Variants in GADL1 observed in about 807,000 individuals in gnomAD.
GADL1 encodes the protein acidic amino acid decarboxylase GADL1.
Under a neutral mutation model 69.5 loss-of-function variants are expected in GADL1, and 71 were observed. That is an observed-to-expected ratio of 1.02 (90% CI 0.84 to 1.25). The LOEUF (loss-of-function observed/expected upper bound fraction) is 1.25, where lower values mean the gene tolerates loss of function less well. GADL1 is among the 50% of genes most tolerant of loss of function. GADL1 has a pLI of 0.00. For missense variants in GADL1, 737 were observed against 631.8 expected, an observed-to-expected ratio of 1.17 and a Z score of -1.79; for synonymous variants, 254 against 214.4, an observed-to-expected ratio of 1.18 and a Z score of -1.62.
intron 14 of GADL1, among the ~76,000 whole-genome samples, chr3:30,735,706 G>A (rs1480697758): frequency 6.6e-6 from 1 of 152,010 alleles, no homozygotes; most frequent in Admixed American, 6.6e-5. Flanking sequence ...CATGGCGGTG[G>A]GTATATAAAC....
chr3:30,732,859 A>G (rs1695480720), intron 14 of GADL1, among the ~76,000 whole-genome samples: 1 of 152,146 alleles, frequency 6.6e-6, no homozygotes, highest in Admixed American at 6.6e-5. Flanking sequence ...GGAGTTTGAG[A>G]CCAGCCTGAG....
chr3:30,837,212 G>A (rs1240164416), intron 9 of GADL1, among the ~76,000 whole-genome samples: 2 of 151,956 alleles, frequency 1.3e-5, no homozygotes, highest in Non-Finnish European at 2.9e-5. Flanking sequence ...ATTTCAAACA[G>A]GTCAAAGCAA....
chr3:30,739,454 G>C (rs1223600490), intron 14 of GADL1, among the ~76,000 whole-genome samples: 1 of 152,140 alleles, frequency 6.6e-6, no homozygotes, highest in African/African-American at 2.4e-5. Flanking sequence ...TGCTTCAGGA[G>C]TAAACTGAAG....
intron 1 of GADL1, among the ~76,000 whole-genome samples, chr3:30,885,704 A>G (rs892029769): frequency 6.6e-6 from 1 of 152,042 alleles, no homozygotes; most frequent in African/African-American, 2.4e-5. Flanking sequence ...TCAAACTACT[A>G]TAAATAAGAC....
chr3:30,748,078 T>C (rs781329865), intron 14 of GADL1, among the ~76,000 whole-genome samples: 6 of 152,224 alleles, frequency 3.9e-5, no homozygotes, highest in Non-Finnish European at 5.9e-5. Context: ...AGTCCACTTA[T>C]TCTTGAAGCC....
At chr3:30,774,093 G>C (rs1375018656) in intron 14 of GADL1, among the ~76,000 whole-genome samples, 1 of 152,160 alleles carries the variant, frequency 6.6e-6, no homozygotes, top group Admixed American at 6.5e-5. Context: ...CTGTGAGACA[G>C]TGGTTCTCAA....
intron 14 of GADL1, among the ~76,000 whole-genome samples, chr3:30,762,485 CT>C (rs976201456): frequency 6.6e-6 from 1 of 152,060 alleles, no homozygotes; most frequent in Admixed American, 6.6e-5. Context: ...AAACTTTTAA[CT>C]TTTGTGGGCA....
rs1698317475 is a variant in GADL1, at chr3:30,861,302, AG to A, written c.210+290del. On this transcript the variant is annotated intron_variant, in intron 2 of 14. Coordinates refer to ENST00000282538, the MANE Select transcript of GADL1 (RefSeq NM_207359.3). ...AGGTTACTTATCTATGTTATTATCT[AG>A]GGTGCAGGAAGTTTCATCCCTGTGC... 2.9e-5 allele frequency among the ~76,000 whole-genome samples: 4 copies of A among 138,072 alleles called. No individual in the cohort carries two copies. The South Asian group carries it at 9.2e-4, about 32-fold the overall frequency. The allele number at this position is 138,072 out of a possible 152,430, so 90.6% of individuals were successfully genotyped here. A position where few individuals can be genotyped will look rare whatever the true frequency, so the allele number is the denominator to read the frequency against.
At chr3:30,815,707 G>T (rs1261627127) in intron 11 of GADL1, among the ~76,000 whole-genome samples, 1 of 152,200 alleles carries the variant, frequency 6.6e-6, no homozygotes, top group East Asian at 1.9e-4. Flanking sequence ...ACTTCATTTT[G>T]TATAGGTTCC....
chr3:30,809,286 A>T lies in GADL1; in HGVS notation c.1051-8198T>A, dbSNP rs185416098. 3.3e-5 allele frequency among the ~76,000 whole-genome samples: 5 copies of T among 152,266 alleles called. No individual in the cohort carries two copies. In the East Asian group the frequency reaches 9.6e-4, roughly 29 times the overall value. The stretch of plus-strand genomic sequence containing the variant: ...CTGTAGATTTTTCATTCTTTGTCAG[A>T]GTAGAAAATATTTAAAATCATCCGG... On this transcript the variant is annotated intron_variant, in intron 11 of 14. Transcript: ENST00000282538.
At chr3:30,743,427 T>A (rs1224137420) in intron 14 of GADL1, among the ~76,000 whole-genome samples, 1 of 152,196 alleles carries the variant, frequency 6.6e-6, no homozygotes, top group Admixed American at 6.5e-5. Context: ...TAACAATTGA[T>A]GGAAGCAAAC....
intron 11 of GADL1, among the ~76,000 whole-genome samples, chr3:30,806,288 G>C (rs560963783): frequency 6.6e-6 from 1 of 152,032 alleles, no homozygotes; most frequent in Non-Finnish European, 1.5e-5. Context: ...ATTATGTATT[G>C]AGGACCTATT....
intron 1 of GADL1, 63 bp downstream of exon 1, chr3:30,894,515 A>T: frequency 3.0e-6 from 4 of 1,354,848 alleles, no homozygotes; most frequent in Non-Finnish European, 4.1e-6. Context: ...GTCAAAAATA[A>T]GGAGATTAAA....
rs373606322 is a variant in GADL1, at chr3:30,894,606, G to C, written c.9C>G (p.Ser3Arg). 2 of 1,550,780 alleles carry C rather than the reference G, an allele frequency of 1.3e-6. No individual in the cohort carries two copies. The highest frequency in any genetic ancestry group is 1.7e-6 in the Non-Finnish European group (2 of 1,146,662). The change falls in exon 1 of 15, where the codon AGC (serine) becomes AGG (arginine). Residue 3 changes from serine (S) to arginine (R), a missense_variant. Physicochemically the swap from Ser to Arg is moderately radical, Grantham distance 110. Coordinates refer to ENST00000282538, the MANE Select transcript of GADL1 (RefSeq NM_207359.3). ...CCACAGGACACTGGCGGTCCGAGTC[G>C]CTGCTCATCTCCGCTCCCCCACTCC... MSSDSDRQCPVDG... is the reference protein window; with the variant it reads MSRDSDRQCPVDG...
At chr3:30,832,925 T>C (rs1316963158) in intron 11 of GADL1, among the ~76,000 whole-genome samples, 4 of 152,074 alleles carry the variant, frequency 2.6e-5, no homozygotes, top group Admixed American at 2.0e-4. Flanking sequence ...GACAGTCTGA[T>C]CATGTCAAAA....
At chr3:30,776,348 T>A (rs1472236900) in intron 14 of GADL1, among the ~76,000 whole-genome samples, 1 of 152,220 alleles carries the variant, frequency 6.6e-6, no homozygotes, top group Admixed American at 6.5e-5. Flanking sequence ...CATCCCATCA[T>A]AGTGAAAAAA....
At chr3:30,765,192 T>C (rs1192253293) in intron 14 of GADL1, among the ~76,000 whole-genome samples, 1 of 152,130 alleles carries the variant, frequency 6.6e-6, no homozygotes, top group Non-Finnish European at 1.5e-5. Flanking sequence ...ATGTCTTCCT[T>C]AAGCTGTCCT....
chr3:30,879,187 C>G (rs1698612828), intron 1 of GADL1, among the ~76,000 whole-genome samples: 1 of 151,896 alleles, frequency 6.6e-6, no homozygotes, highest in African/African-American at 2.4e-5. Flanking sequence ...CTTCTTATCT[C>G]TCATGTTAGT....
intron 14 of GADL1, among the ~76,000 whole-genome samples, chr3:30,733,827 G>A (rs1695503117): frequency 6.6e-6 from 1 of 152,170 alleles, no homozygotes; most frequent in Admixed American, 6.6e-5. Flanking sequence ...TAAGTGGAAG[G>A]ATTTCAGTCC....
Sources: allele counts gnomAD v4.1 joint callset (sites outside exome capture counted in the v4.1 genomes callset), GRCh38; gene constraint gnomAD v4.1.1; transcripts MANE v1.5; gene names NCBI Gene and HGNC (gene_info 2026-07-23, HGNC 2026-07-21).